Variants in COL12A1 observed in about 807,000 individuals in gnomAD.
COL12A1 encodes collagen alpha-1(XII) chain.
In COL12A1, 114 loss-of-function variants were observed where a neutral mutation model predicts 349.7. The ratio of observed to expected loss-of-function variants is 0.33; its 90% confidence interval spans 0.28 to 0.38. The LOEUF is 0.38. COL12A1 is among the 10% of genes least tolerant of loss of function. COL12A1 has a pLI of 1.00. For missense variants in COL12A1, 3,284 were observed against 3,756.9 expected, an observed-to-expected ratio of 0.87 and a Z score of 3.29; for synonymous variants, 1,369 against 1,329.0, an observed-to-expected ratio of 1.03 and a Z score of -0.66.
chr6:75,204,509 A>T (rs1450705161), intron 1 of COL12A1, among the ~76,000 whole-genome samples: 3 of 152,178 alleles, frequency 2.0e-5, no homozygotes, highest in Admixed American at 1.3e-4. Context: ...TATATGTTTT[A>T]AAAAAGAAAA....
Position 75,194,898 on chromosome 6 carries a change from A to T in COL12A1, c.123T>A (p.Val41=). The T allele has an allele frequency of 6.2e-7, 1 of 1,611,418 alleles. No individual in the cohort carries two copies. Among genetic ancestry groups the T allele is most frequent in the Admixed American group, 1.7e-5 (1 of 59,748 alleles). ...LNFKIIDENT[V]HMSWAKPVDP... ...CAACTGGTTTTGCCCATGACATATGAACAGTATTTTCATCTATAATTTTAA... is the reference window on the plus strand; with the variant it reads ...CAACTGGTTTTGCCCATGACATATGTACAGTATTTTCATCTATAATTTTAA... Residue 41 remains valine (V), a synonymous_variant, in exon 3 of 66, where the codon GTT becomes GTA. Coordinates refer to ENST00000322507, the MANE Select transcript of COL12A1 (RefSeq NM_004370.6).
At position 75,148,464 on chromosome 6, in the gene COL12A1, G is replaced by C. The variant is rs780317617; in HGVS notation, c.4181C>G (p.Ser1394Cys). The C allele has an allele frequency of 9.9e-6, 16 of 1,613,358 alleles. No homozygotes were observed. In the Admixed American group the frequency reaches 2.5e-4, roughly 25 times the overall value. The change falls in exon 22 of 66, where the codon TCT becomes TGT. Residue 1394 changes from serine to cysteine, a missense_variant. By Grantham distance (112) the Ser-to-Cys change is moderately radical. Coordinates refer to ENST00000322507, the MANE Select transcript of COL12A1 (RefSeq NM_004370.6). The part of the protein sequence containing the change: ...DLEAPSNLVI[S>C]ERTHRSFRVS... ...TCTAAAAGAACGATGGGTTCGCTCAGAAATAACTAAGTTAGAAGGTGCTTC... is the reference window on the plus strand; with the variant it reads ...TCTAAAAGAACGATGGGTTCGCTCACAAATAACTAAGTTAGAAGGTGCTTC...
Position 75,154,409 on chromosome 6 carries a change from T to G in COL12A1, c.3565+7A>C, listed in dbSNP as rs1229768015. 6.2e-7 allele frequency: 1 copy of G among 1,608,656 alleles called. No individual in the cohort carries two copies. Among genetic ancestry groups the G allele is most frequent in the Non-Finnish European group, 8.5e-7 (1 of 1,176,800 alleles). The stretch of plus-strand genomic sequence containing the variant: ...TTTTCCTCAAGGAATGTAACTCAAT[T>G]TCTTACCAGAAGATAAAATTGGCAT... On this transcript the variant is annotated splice_region_variant and intron_variant, in intron 17 of 65. Coordinates refer to ENST00000322507, the MANE Select transcript of COL12A1 (RefSeq NM_004370.6).
In COL12A1 at chr6:75,148,583, C is replaced by T. The variant is rs1193888788; in HGVS notation, c.4148-86G>A. ...GAAATGACATTGAAACAATATTATG[C>T]TCCATATTCTAAGCTTTCACACACT... On this transcript the variant is annotated intron_variant, in intron 21 of 65. Transcript: ENST00000322507. 2.6e-6 allele frequency: 3 copies of T among 1,168,560 alleles called. No individual in the cohort carries two copies. The African/African-American group carries it at 4.6e-5, about 18-fold the overall frequency. The allele number at this position is 1,168,560 out of a possible 1,614,324, so 72.4% of individuals were successfully genotyped here. A position where few individuals can be genotyped will look rare whatever the true frequency, so the allele number is the denominator to read the frequency against.
chr6:75,131,621 T>G (rs1047826229), intron 35 of COL12A1, among the ~76,000 whole-genome samples: 1 of 152,220 alleles, frequency 6.6e-6, no homozygotes. Context: ...GAATGAAAGA[T>G]AGATTGGGCA....
At position 75,191,681 on chromosome 6, in the gene COL12A1, A is replaced by G; in HGVS notation, c.394+20T>C. On this transcript the variant is annotated intron_variant, in intron 5 of 65. Coordinates refer to ENST00000322507, the MANE Select transcript of COL12A1 (RefSeq NM_004370.6). Reference sequence around the variant, plus strand: ...ATGACTTCCATGAATCTAAGCAAAAATAGTAAGAGAAACACTCACTTTGTA... The same window carrying G: ...ATGACTTCCATGAATCTAAGCAAAAGTAGTAAGAGAAACACTCACTTTGTA... 1 of 1,577,788 alleles carries G rather than the reference A, an allele frequency of 6.3e-7. No individual in the cohort carries two copies. Among genetic ancestry groups the G allele is most frequent in the South Asian group, 1.2e-5 (1 of 86,010 alleles).
intron 60 of COL12A1, among the ~76,000 whole-genome samples, chr6:75,094,124 T>C (rs1026703272): frequency 5.9e-5 from 9 of 152,216 alleles, no homozygotes; most frequent in Non-Finnish European, 1.2e-4. Context: ...TCCTTCTATC[T>C]TTATGTTGCC....
intron 46 of COL12A1, 136 bp downstream of exon 46, chr6:75,118,907 G>A (rs1769214760): frequency 1.8e-6 from 2 of 1,108,694 alleles, no homozygotes; most frequent in Non-Finnish European, 2.5e-6. Flanking sequence ...ATATAAACTA[G>A]CATTACGAAG....
At chr6:75,195,785 T>G (rs1320198270) in intron 2 of COL12A1, among the ~76,000 whole-genome samples, 1 of 152,184 alleles carries the variant, frequency 6.6e-6, no homozygotes, top group Non-Finnish European at 1.5e-5. Context: ...TAGATTAAAA[T>G]GCCAGTATGG....
At position 75,191,690 on chromosome 6, in the gene COL12A1, G is replaced by C; in HGVS notation, c.394+11C>G. ...ATGAATCTAAGCAAAAATAGTAAGAGAAACACTCACTTTGTATCTCGGTTT... is the reference window on the plus strand; with the variant it reads ...ATGAATCTAAGCAAAAATAGTAAGACAAACACTCACTTTGTATCTCGGTTT... On this transcript the variant is annotated intron_variant, in intron 5 of 65. Coordinates refer to ENST00000322507, the MANE Select transcript of COL12A1 (RefSeq NM_004370.6). 1.3e-6 allele frequency: 2 copies of C among 1,588,552 alleles called. No individual in the cohort carries two copies. The highest frequency in any genetic ancestry group is 1.8e-5 in the Admixed American group (1 of 56,732).
At chr6:75,153,592 G>A (rs1043199689) in intron 17 of COL12A1, among the ~76,000 whole-genome samples, 1 of 152,028 alleles carries the variant, frequency 6.6e-6, no homozygotes, top group African/African-American at 2.4e-5. Context: ...GAATACAAAT[G>A]TGTCACTCAT....
rs1476548737 is a variant in COL12A1, at chr6:75,184,267, G to A, written c.998-123C>T. 8 of 1,063,034 alleles carry A rather than the reference G, an allele frequency of 7.5e-6. No homozygotes were observed. In the East Asian group the frequency reaches 1.8e-4, roughly 24 times the overall value. 65.9% of individuals were successfully genotyped at this position (1,063,034 alleles called of 1,614,324 possible). A position where few individuals can be genotyped will look rare whatever the true frequency, so the allele number is the denominator to read the frequency against. ...CATCCTAAATACATTGAAAAGAGTT[G>A]CCCAATACCCGCCTCAGTCCCCAAT... On this transcript the variant is annotated intron_variant, in intron 8 of 65. Coordinates refer to ENST00000322507, the MANE Select transcript of COL12A1 (RefSeq NM_004370.6).
At chr6:75,170,571 A>G (rs898957662) in intron 13 of COL12A1, among the ~76,000 whole-genome samples, 2 of 152,216 alleles carry the variant, frequency 1.3e-5, no homozygotes, top group African/African-American at 4.8e-5. Flanking sequence ...GGCTTGAGCA[A>G]AAAAGTGTTT....
chr6:75,093,904 C>G (rs1767886732), intron 60 of COL12A1, among the ~76,000 whole-genome samples: 1 of 152,144 alleles, frequency 6.6e-6, no homozygotes, highest in African/African-American at 2.4e-5. Flanking sequence ...TAAGACACTA[C>G]TGAGGTCATA....
chr6:75,160,877 C>T (rs1767992961), intron 14 of COL12A1, among the ~76,000 whole-genome samples: 1 of 152,162 alleles, frequency 6.6e-6, no homozygotes, highest in African/African-American at 2.4e-5. Flanking sequence ...ATCACAAAAA[C>T]ATCACCAAAC....
Position 75,175,256 on chromosome 6 carries a change from T to G in COL12A1, c.2492A>C (p.Lys831Thr). The G allele has an allele frequency of 6.2e-7, 1 of 1,614,194 alleles. No homozygotes were observed. Among genetic ancestry groups the G allele is most frequent in the Non-Finnish European group, 8.5e-7 (1 of 1,180,036 alleles). ...RVSDPTTSTM[K>T]LSWSGAPGKV... ...TCCTGGTGCCCCACTCCAAGATAAT[T>G]TCATAGTAGACGTCGTAGGGTCAGA... is the stretch of plus-strand genomic sequence containing the variant. The change falls in exon 13 of 66, where the codon AAA (lysine) becomes ACA (threonine). Residue 831 changes from lysine to threonine, a missense_variant. This residue lies in a region of COL12A1 where 2,601 missense variants were observed against 2,824.8 expected (regional missense o/e 0.92). Coordinates refer to ENST00000322507, the MANE Select transcript of COL12A1 (RefSeq NM_004370.6).
intron 2 of COL12A1, among the ~76,000 whole-genome samples, chr6:75,198,956 A>G (rs1261536178): frequency 1.3e-5 from 2 of 152,236 alleles, no homozygotes; most frequent in East Asian, 3.8e-4. Flanking sequence ...TTCTATAGGC[A>G]TTAATTTACA....
chr6:75,104,412 G>T (rs1462389877), intron 54 of COL12A1, among the ~76,000 whole-genome samples: 1 of 152,166 alleles, frequency 6.6e-6, no homozygotes, highest in Non-Finnish European at 1.5e-5. Context: ...TATATGAGGA[G>T]CTGGCTTGTA....
intron 60 of COL12A1, among the ~76,000 whole-genome samples, chr6:75,093,074 T>C (rs1305846443): frequency 1.3e-5 from 2 of 152,206 alleles, no homozygotes; most frequent in Non-Finnish European, 2.9e-5. Flanking sequence ...TAGATGACTG[T>C]ATCCAAAATA....
Sources: gnomAD v4.1 joint callset for allele counts (sites outside exome capture counted in the v4.1 genomes callset) on GRCh38, gnomAD v4.1.1 for gene constraint, gnomAD v4.1.1 regional missense constraint, MANE v1.5 for transcripts, NCBI Gene and HGNC (gene_info 2026-07-23, HGNC 2026-07-21) for gene names.